The following ADGRA3 variants were observed in gnomAD, a reference collection of about 807,000 sequenced individuals.
ADGRA3 encodes the protein G-protein coupled receptor 125.
In ADGRA3, 56 loss-of-function variants were observed where a neutral mutation model predicts 119.8. The observed-to-expected ratio is 0.47, with a 90% CI of 0.38 to 0.58. The LOEUF is 0.58. Ranked by LOEUF, ADGRA3 falls within the 20% of genes least tolerant of loss-of-function variation. The pLI, the probability that ADGRA3 is intolerant of heterozygous loss-of-function variation, is 0.00. For synonymous variants in ADGRA3, 607 were observed against 623.8 expected, an observed-to-expected ratio of 0.97 and a Z score of 0.40; for missense variants, 1,516 against 1,649.0, an observed-to-expected ratio of 0.92 and a Z score of 1.40.
intron 1 of ADGRA3, among the ~76,000 whole-genome samples, chr4:22,502,129 A>G (rs1490773775): frequency 1.3e-5 from 2 of 152,330 alleles, no homozygotes; most frequent in Non-Finnish European, 2.9e-5. Context: ...TGGCAGGGAA[A>G]CCATGCAGCC....
intron 1 of ADGRA3, among the ~76,000 whole-genome samples, chr4:22,494,656 CTGAG>C (rs1220499459): frequency 6.6e-6 from 1 of 151,912 alleles, no homozygotes; most frequent in Non-Finnish European, 1.5e-5. Flanking sequence ...TTACTATAAA[CTGAG>C]TGGAGTTTTA....
Position 22,388,528 on chromosome 4 carries a change from A to G in ADGRA3, c.3143T>C (p.Val1048Ala). 6.2e-7 allele frequency: 1 copy of G among 1,614,084 alleles called. No individual in the cohort carries two copies. Residue 1048 changes from valine (V) to alanine (A), a missense_variant, in exon 19 of 19, where the codon GTT (valine) becomes GCT (alanine). By Grantham distance (64) the Val-to-Ala change is moderately conservative. Transcript: ENST00000334304. ...FSAFFVVHHCVNREDVRLAWI... is the reference protein window; with the variant it reads ...FSAFFVVHHCANREDVRLAWI... Reference sequence around the variant, plus strand: ...CGCAAGTCTAACATCCTCCCTATTAACACAATGGTGGACCACGAAGAACGC... The same window carrying G: ...CGCAAGTCTAACATCCTCCCTATTAGCACAATGGTGGACCACGAAGAACGC...
intron 5 of ADGRA3, among the ~76,000 whole-genome samples, chr4:22,446,273 G>C (rs149732865): frequency 3.1e-4 from 47 of 152,254 alleles, no homozygotes; most frequent in African/African-American, 1.1e-3. Context: ...ACCACTTTAT[G>C]GTCAGTTCCT....
At position 22,429,323 on chromosome 4, in the gene ADGRA3, A is replaced by G. The variant is rs143055139; in HGVS notation, c.1444-4971T>C. On this transcript the variant is annotated intron_variant, in intron 10 of 18. Coordinates refer to ENST00000334304, the MANE Select transcript of ADGRA3 (RefSeq NM_145290.4). ...GAACTCTCCAGCAGAAAGTGAAAAA[A>G]TGCTGAAAGGAAAACAGTTATCTTT... Among the ~76,000 whole-genome samples the G allele has an allele frequency of 2.2e-3, 337 of 152,338 alleles. 1 individual carries two copies. The highest frequency in any genetic ancestry group is 7.4e-3 in the African/African-American group (307 of 41,586).
At chr4:22,428,498 C>G (rs1212247478) in intron 10 of ADGRA3, among the ~76,000 whole-genome samples, 5 of 152,116 alleles carry the variant, frequency 3.3e-5, no homozygotes, top group African/African-American at 4.8e-5. Flanking sequence ...TACTTTTGTT[C>G]ATTCTAACAA....
At chr4:22,440,932 C>T (rs1716588762) in intron 7 of ADGRA3, among the ~76,000 whole-genome samples, 1 of 152,174 alleles carries the variant, frequency 6.6e-6, no homozygotes, top group African/African-American at 2.4e-5. Flanking sequence ...CTAGCAATCA[C>T]TGAGTAGCTC....
chr4:22,475,098 G>A (rs1010700737), intron 1 of ADGRA3, among the ~76,000 whole-genome samples: 2 of 152,004 alleles, frequency 1.3e-5, no homozygotes, highest in Non-Finnish European at 2.9e-5. Context: ...TTTCTTTTAG[G>A]AATTCCTAAA....
chr4:22,447,384 T>C (rs1356334477), intron 5 of ADGRA3, 56 bp downstream of exon 5: 13 of 1,079,810 alleles, frequency 1.2e-5, no homozygotes, highest in Non-Finnish European at 1.8e-5. Flanking sequence ...ATGTTTTTAA[T>C]TTTCAAAAAG....
intron 10 of ADGRA3, among the ~76,000 whole-genome samples, chr4:22,429,774 A>G (rs1289460984): frequency 6.6e-6 from 1 of 152,182 alleles, no homozygotes; most frequent in African/African-American, 2.4e-5. Flanking sequence ...GTCCCCCTAC[A>G]CTGGCACTCG....
chr4:22,447,393 A>G, intron 5 of ADGRA3, 47 bp downstream of exon 5: 1 of 1,119,460 alleles, frequency 8.9e-7, no homozygotes, highest in Non-Finnish European at 1.3e-6. Flanking sequence ...ATTTTCAAAA[A>G]GACATGAAAA....
intron 4 of ADGRA3, among the ~76,000 whole-genome samples, chr4:22,450,663 C>T (rs886657857): frequency 2.6e-5 from 4 of 151,932 alleles, no homozygotes; most frequent in Non-Finnish European, 5.9e-5. Flanking sequence ...GTATATGATA[C>T]ATCATCTATT....
intron 10 of ADGRA3, among the ~76,000 whole-genome samples, chr4:22,433,296 T>C (rs1317629420): frequency 6.6e-6 from 1 of 152,180 alleles, no homozygotes; most frequent in Admixed American, 6.5e-5. Flanking sequence ...CACTCATGAT[T>C]ATTTAAAAGG....
chr4:22,509,608 A>G (rs999727036), intron 1 of ADGRA3, among the ~76,000 whole-genome samples: 3 of 151,970 alleles, frequency 2.0e-5, no homozygotes, highest in South Asian at 4.2e-4. Flanking sequence ...TGATGCTAGG[A>G]CTGTTTCGTC....
rs562026751 is a variant in ADGRA3 at position 22,389,493 on chromosome 4, TACTC to T, written c.2628-314_2628-311del. Among the ~76,000 whole-genome samples the T allele has an allele frequency of 1.6e-3, 248 of 151,498 alleles. No individual in the cohort carries two copies. In the South Asian group the frequency reaches 0.024, roughly 15 times the overall value. ...CCTGCTGGTAGGATTTCAGCTTACT[TACTC>T]TTACTTTTTTTTTTTTTTGTAGCAG... is the stretch of plus-strand genomic sequence containing the variant. On this transcript the variant is annotated intron_variant, in intron 17 of 18. Coordinates refer to ENST00000334304, the MANE Select transcript of ADGRA3 (RefSeq NM_145290.4).
chr4:22,514,528 C>T (rs987946399), intron 1 of ADGRA3: 14 of 152,202 alleles, frequency 9.2e-5, no homozygotes, highest in African/African-American at 3.1e-4. Context: ...TTTCATAGAT[C>T]ATGCTGCGGT....
chr4:22,473,079 C>A (rs956550299), intron 2 of ADGRA3: 4 of 151,942 alleles, frequency 2.6e-5, no homozygotes, highest in Admixed American at 6.6e-5. Context: ...AATAAAATAT[C>A]AAAGTTTATA....
chr4:22,435,675 G>C (rs148323622), intron 9 of ADGRA3, among the ~76,000 whole-genome samples: 81 of 152,272 alleles, frequency 5.3e-4, no homozygotes, highest in African/African-American at 1.9e-3. Flanking sequence ...CAAGCTTGGA[G>C]TGAAATACAA....
intron 1 of ADGRA3, among the ~76,000 whole-genome samples, chr4:22,483,544 A>G (rs1031924628): frequency 7.2e-5 from 11 of 152,150 alleles, no homozygotes; most frequent in African/African-American, 2.2e-4. Flanking sequence ...TACTGCAATA[A>G]AAGTGTCCTA....
chr4:22,504,669 T>TG (rs546747810), intron 1 of ADGRA3, among the ~76,000 whole-genome samples: 12 of 152,020 alleles, frequency 7.9e-5, no homozygotes, highest in Non-Finnish European at 1.6e-4. Context: ...GTCTTTCCTC[T>TG]GCTTGTACCA....
Sources: allele counts gnomAD v4.1 joint callset (sites outside exome capture counted in the v4.1 genomes callset), GRCh38; gene constraint gnomAD v4.1.1; transcripts MANE v1.5; gene names NCBI Gene and HGNC (gene_info 2026-07-23, HGNC 2026-07-21).